Variants in ZHX2 observed in about 807,000 individuals in gnomAD.
ZHX2 encodes the protein zinc fingers and homeoboxes 2.
ZHX2 carries 6 observed loss-of-function variants against 21.9 expected under a neutral mutation model. The ratio of observed to expected loss-of-function variants is 0.27; its 90% CI spans 0.15 to 0.54. The LOEUF (loss-of-function observed/expected upper bound fraction) is 0.54, where lower values mean the gene tolerates loss of function less well. Among genes scored for constraint, ZHX2 ranks in the 20% least tolerant of loss-of-function variants. The pLI is 0.95. For missense variants in ZHX2, 908 were observed against 1,090.7 expected (o/e 0.83, Z 2.36); for synonymous variants, 434 against 437.1 (o/e 0.99, Z 0.09).
rs547340528 is a variant in ZHX2, at chr8:122,912,461, AGGAGGTG to A, written c.-219-38814_-219-38808del. Among the ~76,000 whole-genome samples the A allele has an allele frequency of 1.1e-3, 165 of 152,220 alleles. 1 individual carries two copies. The highest frequency in any genetic ancestry group is 8.1e-3 in the South Asian group (39 of 4,816). ...ATTCCCTCCAAGATGGACATGTAATAGGAGGTGGGAGGTGGGAGGTGGGTGACTAAGG... is the reference window on the plus strand; with the variant it reads ...ATTCCCTCCAAGATGGACATGTAATAGGAGGTGGGAGGTGGGTGACTAAGG... On this transcript the variant is annotated intron_variant, in intron 2 of 3. Transcript: ENST00000314393.
intron 2 of ZHX2, among the ~76,000 whole-genome samples, chr8:122,888,509 T>C (rs779097857): frequency 1.3e-5 from 2 of 152,144 alleles, no homozygotes; most frequent in Admixed American, 6.5e-5. Context: ...GCGATGGAGT[T>C]TCACTCCCAT....
At chr8:122,838,026 C>A (rs1312215079) in intron 1 of ZHX2, among the ~76,000 whole-genome samples, 1 of 152,188 alleles carries the variant, frequency 6.6e-6, no homozygotes, top group Non-Finnish European at 1.5e-5. Flanking sequence ...GCCCGTTGAG[C>A]TTTGTGTTTG....
intron 2 of ZHX2, among the ~76,000 whole-genome samples, chr8:122,874,673 C>G (rs946998802): frequency 2.0e-5 from 3 of 152,004 alleles, no homozygotes; most frequent in Non-Finnish European, 4.4e-5. Flanking sequence ...GTAAACATCC[C>G]CATTTTACCA....
intron 1 of ZHX2, among the ~76,000 whole-genome samples, chr8:122,800,183 CT>C (rs1446873018): frequency 6.6e-6 from 1 of 152,172 alleles, no homozygotes; most frequent in African/African-American, 2.4e-5. Context: ...GAAGAAAATG[CT>C]TTTTGCTCCC....
chr8:122,930,710 G>A (rs1189729867), intron 2 of ZHX2, among the ~76,000 whole-genome samples: 4 of 151,004 alleles, frequency 2.6e-5, no homozygotes, highest in African/African-American at 7.3e-5. Context: ...GGTTGGCCTC[G>A]AACTCCTGAC....
At chr8:122,806,148 G>A (rs1191483001) in intron 1 of ZHX2, among the ~76,000 whole-genome samples, 2 of 152,194 alleles carry the variant, frequency 1.3e-5, no homozygotes, top group East Asian at 1.9e-4. Flanking sequence ...GGAAATCAAG[G>A]ATGAATGAGT....
chr8:122,911,894 G>T (rs967195366), intron 2 of ZHX2, among the ~76,000 whole-genome samples: 1 of 152,260 alleles, frequency 6.6e-6, no homozygotes, highest in Non-Finnish European at 1.5e-5. Flanking sequence ...GGGCTGGAGG[G>T]TGGGAGTGAG....
chr8:122,823,285 C>G (rs1439456536), intron 1 of ZHX2, among the ~76,000 whole-genome samples: 1 of 152,224 alleles, frequency 6.6e-6, no homozygotes. Context: ...AAGAAGGATT[C>G]CTGTTCTTAT....
intron 2 of ZHX2, among the ~76,000 whole-genome samples, chr8:122,944,932 A>G (rs1393970599): frequency 6.6e-6 from 1 of 152,158 alleles, no homozygotes; most frequent in Non-Finnish European, 1.5e-5. Context: ...GCCCTAATCC[A>G]ATATAACTGA....
chr8:122,897,757 C>T (rs1820134645), intron 2 of ZHX2, among the ~76,000 whole-genome samples: 1 of 152,008 alleles, frequency 6.6e-6, no homozygotes, highest in East Asian at 1.9e-4. Context: ...CCTCTTGCCT[C>T]TTGCCTCATG....
At chr8:122,906,666 CTT>C (rs771349214) in intron 2 of ZHX2, among the ~76,000 whole-genome samples, 1,510 of 123,280 alleles carry the variant, frequency 0.012, 13 homozygotes, top group African/African-American at 0.044. Context: ...ACATAATTTC[CTT>C]TTTTTTTTTT....
chr8:122,829,468 C>T (rs981365635), intron 1 of ZHX2, among the ~76,000 whole-genome samples: 2 of 152,160 alleles, frequency 1.3e-5, no homozygotes, highest in African/African-American at 4.8e-5. Flanking sequence ...ATTTAATGTG[C>T]TTATATTCTC....
intron 1 of ZHX2, among the ~76,000 whole-genome samples, chr8:122,861,310 A>G (rs533753914): frequency 1.3e-5 from 2 of 152,186 alleles, no homozygotes; most frequent in South Asian, 2.1e-4. Flanking sequence ...CTAAGAGCCA[A>G]TACTACTTCC....
At chr8:122,827,684 C>T (rs996797426) in intron 1 of ZHX2, among the ~76,000 whole-genome samples, 10 of 152,200 alleles carry the variant, frequency 6.6e-5, no homozygotes, top group Non-Finnish European at 1.3e-4. Flanking sequence ...AGAATCTGTA[C>T]ATAAATAATT....
At chr8:122,826,408 A>C (rs1818267416) in intron 1 of ZHX2, among the ~76,000 whole-genome samples, 1 of 152,170 alleles carries the variant, frequency 6.6e-6, no homozygotes, top group Non-Finnish European at 1.5e-5. Flanking sequence ...ATACCCAGTG[A>C]TTGTCAGAAC....
chr8:122,915,557 C>T (rs1586385581), intron 2 of ZHX2, among the ~76,000 whole-genome samples: 1 of 152,186 alleles, frequency 6.6e-6, no homozygotes, highest in Non-Finnish European at 1.5e-5. Context: ...TGTGGAAAAT[C>T]GTTCATCTCT....
chr8:122,900,108 G>A (rs923788097), intron 2 of ZHX2, among the ~76,000 whole-genome samples: 2 of 152,154 alleles, frequency 1.3e-5, no homozygotes, highest in African/African-American at 4.8e-5. Context: ...GGGCACTCTG[G>A]GAACAGGAGG....
In ZHX2 at chr8:122,850,639, C is replaced by CAA. The variant is rs60682747; in HGVS notation, c.-282-12820_-282-12819dup. On this transcript the variant is annotated intron_variant, in intron 1 of 3. Transcript: ENST00000314393. ...TGGGCAAGAAAGCGAGACTCTGTCT[C>CAA]AAAAAAAAAAAAAAAAAAATGCCAC... Among the ~76,000 whole-genome samples the CAA allele has an allele frequency of 7.4e-3, 842 of 114,144 alleles. 11 individuals are homozygous for CAA. The highest frequency in any genetic ancestry group is 0.024 in the African/African-American group (722 of 30,192). The allele number at this position is 114,144 out of a possible 152,430, so 74.9% of individuals were successfully genotyped here.
intron 1 of ZHX2, among the ~76,000 whole-genome samples, chr8:122,791,802 T>A (rs1477739740): frequency 6.6e-6 from 1 of 150,882 alleles, no homozygotes; most frequent in East Asian, 2.0e-4. Flanking sequence ...GAGGTGGAGG[T>A]TGCAATGAGC....
Sources: gnomAD v4.1 joint callset for allele counts (sites outside exome capture counted in the v4.1 genomes callset) on GRCh38, gnomAD v4.1.1 for gene constraint, MANE v1.5 for transcripts, NCBI Gene and HGNC (gene_info 2026-07-23, HGNC 2026-07-21) for gene names.